LSAMP: variants seen among roughly 807,000 people sequenced by gnomAD.
LSAMP encodes the protein limbic system-associated membrane protein.
In LSAMP, 7 loss-of-function variants were observed where a neutral mutation model predicts 38.6. That is an observed-to-expected ratio of 0.18 (90% CI 0.10 to 0.34). LSAMP has a LOEUF of 0.34. Ranked by LOEUF, LSAMP falls within the 10% of genes least tolerant of loss-of-function variation. The pLI, the probability that LSAMP is intolerant of heterozygous loss-of-function variation, is 1.00. For missense variants in LSAMP, 313 were observed against 420.0 expected, an observed-to-expected ratio of 0.75 and a Z score of 2.23; for synonymous variants, 154 against 166.8, an observed-to-expected ratio of 0.92 and a Z score of 0.59.
chr3:115,830,088 C>A (rs1007502293), intron 6 of LSAMP, among the ~76,000 whole-genome samples: 1 of 152,110 alleles, frequency 6.6e-6, no homozygotes, highest in Non-Finnish European at 1.5e-5. Context: ...GTTGGAAAAA[C>A]TGAATTACAG....
At chr3:116,423,328 G>A (rs780071289) in intron 1 of LSAMP, among the ~76,000 whole-genome samples, 2 of 152,150 alleles carry the variant, frequency 1.3e-5, no homozygotes, top group Non-Finnish European at 2.9e-5. Context: ...AAGAGGACAC[G>A]ATGCCAGAAC....
At chr3:116,060,441 C>T (rs1237002307) in intron 2 of LSAMP, among the ~76,000 whole-genome samples, 1 of 152,100 alleles carries the variant, frequency 6.6e-6, no homozygotes, top group Admixed American at 6.6e-5. Context: ...TTTTAAAACA[C>T]ACACACACAC....
chr3:116,439,383 A>G (rs998291834), intron 1 of LSAMP, among the ~76,000 whole-genome samples: 4 of 148,676 alleles, frequency 2.7e-5, no homozygotes, highest in Non-Finnish European at 5.9e-5. Context: ...CACTTGTAGT[A>G]TCCTGTAGTA....
chr3:116,193,207 G>C (rs939837293), intron 1 of LSAMP, among the ~76,000 whole-genome samples: 6 of 152,142 alleles, frequency 3.9e-5, no homozygotes, highest in African/African-American at 1.4e-4. Flanking sequence ...TATTTGATTT[G>C]TTCAAGGTTA....
At chr3:116,128,681 A>G (rs1408570892) in intron 1 of LSAMP, among the ~76,000 whole-genome samples, 2 of 152,232 alleles carry the variant, frequency 1.3e-5, no homozygotes, top group Non-Finnish European at 2.9e-5. Context: ...CATTGTCACT[A>G]TACTTGAAAT....
chr3:116,072,267 G>A (rs566937440), intron 2 of LSAMP, among the ~76,000 whole-genome samples: 19 of 152,172 alleles, frequency 1.2e-4, no homozygotes, highest in East Asian at 3.9e-4. Flanking sequence ...GAGCCACCGC[G>A]CCCCGCCAGC....
chr3:116,119,240 T>C (rs1708819998), intron 1 of LSAMP, among the ~76,000 whole-genome samples: 1 of 151,672 alleles, frequency 6.6e-6, no homozygotes, highest in Admixed American at 6.6e-5. Context: ...AAAGTGAGAG[T>C]AAAACATGCT....
At chr3:115,892,124 C>A (rs1359341961) in intron 3 of LSAMP, among the ~76,000 whole-genome samples, 1 of 151,884 alleles carries the variant, frequency 6.6e-6, no homozygotes, top group Non-Finnish European at 1.5e-5. Context: ...ATGAAAAATT[C>A]TTCCAAGCAT....
At chr3:116,417,984 G>C (rs2049073847) in intron 1 of LSAMP, among the ~76,000 whole-genome samples, 1 of 152,114 alleles carries the variant, frequency 6.6e-6, no homozygotes, top group South Asian at 2.1e-4. Flanking sequence ...AATTACAGTG[G>C]CTTTAATAAC....
intron 1 of LSAMP, among the ~76,000 whole-genome samples, chr3:116,313,595 G>A (rs371346605): frequency 3.3e-5 from 5 of 152,202 alleles, no homozygotes; most frequent in Admixed American, 6.5e-5. Flanking sequence ...AAAGGTCAAG[G>A]TTGGTTCATA....
chr3:116,309,786 G>T (rs1357950812), intron 1 of LSAMP, among the ~76,000 whole-genome samples: 1 of 152,140 alleles, frequency 6.6e-6, no homozygotes, highest in Non-Finnish European at 1.5e-5. Flanking sequence ...ATTGGATGAT[G>T]AAAATGCTTA....
chr3:116,033,747 GA>G (rs1243143673), intron 2 of LSAMP, among the ~76,000 whole-genome samples: 1 of 152,038 alleles, frequency 6.6e-6, no homozygotes, highest in Non-Finnish European at 1.5e-5. Context: ...AACAAGAAAT[GA>G]TTTTAACTGC....
intron 1 of LSAMP, among the ~76,000 whole-genome samples, chr3:116,378,963 C>T (rs2048523892): frequency 6.8e-6 from 1 of 147,482 alleles, no homozygotes; most frequent in African/African-American, 2.5e-5. Flanking sequence ...TTGATCTGTT[C>T]TTTTTCCTAT....
chr3:115,831,217 G>A lies in LSAMP; in HGVS notation c.919+10628C>T, dbSNP rs528968450. Among the ~76,000 whole-genome samples, 9 of 152,208 alleles carry A rather than the reference G, an allele frequency of 5.9e-5. No individual in the cohort carries two copies. In the South Asian group the frequency reaches 1.2e-3, roughly 21 times the overall value. On this transcript the variant is annotated intron_variant, in intron 6 of 6. Coordinates refer to ENST00000490035, the MANE Select transcript of LSAMP (RefSeq NM_002338.5). Reference sequence around the variant, plus strand: ...CATTTCCCAAACCCACTTGCCACACGGGGTTAGTGAATGGAAAGGCTGTTC... The same window carrying A: ...CATTTCCCAAACCCACTTGCCACACAGGGTTAGTGAATGGAAAGGCTGTTC...
chr3:115,860,135 G>T (rs1445146381), intron 3 of LSAMP, among the ~76,000 whole-genome samples: 1 of 152,362 alleles, frequency 6.6e-6, no homozygotes, highest in South Asian at 2.1e-4. Flanking sequence ...TAGAGTGAGT[G>T]TTGTATGAGC....
intron 3 of LSAMP, among the ~76,000 whole-genome samples, chr3:115,854,276 A>ATTC (rs1272758193): frequency 8.4e-6 from 1 of 119,604 alleles, no homozygotes; most frequent in Non-Finnish European, 1.7e-5. Flanking sequence ...TATTATTATT[A>ATTC]TTATTATTTT....
intron 1 of LSAMP, among the ~76,000 whole-genome samples, chr3:116,180,779 C>A (rs972970556): frequency 6.6e-6 from 1 of 152,094 alleles, no homozygotes. Flanking sequence ...GCTATTACTA[C>A]AAAATTTTTC....
intron 1 of LSAMP, among the ~76,000 whole-genome samples, chr3:116,433,860 A>G (rs888635638): frequency 2.6e-5 from 4 of 152,118 alleles, no homozygotes; most frequent in Non-Finnish European, 5.9e-5. Flanking sequence ...CTTCAGGGCC[A>G]TTGAGTGATT....
intron 3 of LSAMP, among the ~76,000 whole-genome samples, chr3:115,893,701 A>C (rs998473769): frequency 1.3e-5 from 2 of 151,608 alleles, no homozygotes; most frequent in Non-Finnish European, 2.9e-5. Context: ...CAGGAATAAA[A>C]GTATTAGATG....
Sources: allele counts gnomAD v4.1 joint callset (sites outside exome capture counted in the v4.1 genomes callset), GRCh38; gene constraint gnomAD v4.1.1; transcripts MANE v1.5; gene names NCBI Gene and HGNC (gene_info 2026-07-23, HGNC 2026-07-21).